The following TBPL1 variants were observed in gnomAD, a reference collection of about 807,000 sequenced individuals.
TBPL1 encodes the protein TATA-box binding protein like 1, also known as TATA box-binding protein-like 1.
TBPL1 carries 4 observed loss-of-function variants against 22.1 expected under a neutral mutation model. The observed-to-expected ratio is 0.18, with a 90% CI of 0.09 to 0.41. The LOEUF (loss-of-function observed/expected upper bound fraction) is 0.41, where lower values mean the gene tolerates loss of function less well. TBPL1 is among the 10% of genes least tolerant of loss of function. The pLI is 1.00. For synonymous variants in TBPL1, 64 were observed against 71.0 expected (o/e 0.90, Z 0.50); for missense variants, 115 against 222.3 (o/e 0.52, Z 3.07).
intron 2 of TBPL1, among the ~76,000 whole-genome samples, chr6:133,980,866 A>G (rs962283088): frequency 1.3e-5 from 2 of 151,874 alleles, no homozygotes; most frequent in African/African-American, 4.8e-5. Flanking sequence ...TGTATTTTAC[A>G]CATTTGTTAT....
In TBPL1 at chr6:133,986,934, C is replaced by T. The variant is rs1323833829; in HGVS notation, c.482-27C>T. Reference sequence around the variant, plus strand: ...GTGCTCCCTTTTCCAACTCTTCTCACTCCTTCCTCCATTGTGTTTATTACA... The same window carrying T: ...GTGCTCCCTTTTCCAACTCTTCTCATTCCTTCCTCCATTGTGTTTATTACA... On this transcript the variant is annotated intron_variant, in intron 6 of 6. Transcript: ENST00000237264. 4 of 1,537,796 alleles carry T rather than the reference C, an allele frequency of 2.6e-6. No individual in the cohort carries two copies. In the African/African-American group the frequency reaches 4.2e-5, roughly 16 times the overall value.
At chr6:133,952,288 GT>G (rs1775844935), upstream of TBPL1, 1 of 152,328 alleles carries the variant, frequency 6.6e-6, no homozygotes, top group Admixed American at 6.5e-5. The surrounding 1 kb of genome is among the most constrained non-coding windows in gnomAD (Gnocchi z 4.5). Flanking sequence ...CGCCCCCGGG[GT>G]CCCCCGGCCC....
chr6:133,980,938 A>G (rs1211411648), intron 2 of TBPL1, among the ~76,000 whole-genome samples: 1 of 147,370 alleles, frequency 6.8e-6, no homozygotes, highest in Non-Finnish European at 1.5e-5. Context: ...CAGGATACCT[A>G]TGTAAATTGC....
At chr6:133,964,963 A>G (rs1776093660) in intron 1 of TBPL1, among the ~76,000 whole-genome samples, 1 of 152,166 alleles carries the variant, frequency 6.6e-6, no homozygotes, top group Non-Finnish European at 1.5e-5. Flanking sequence ...TAAATTCTTG[A>G]TGAGTTATCA....
chr6:133,986,814 G>A, intron 6 of TBPL1, 147 bp from the exon 7 acceptor site: 2 of 524,166 alleles, frequency 3.8e-6, no homozygotes, highest in East Asian at 3.2e-5. Flanking sequence ...ATGGCTATGT[G>A]TATAATTATA....
rs145438139 is a variant in TBPL1, at chr6:133,973,735, G to C, written c.-44-6347G>C. Among the ~76,000 whole-genome samples, 8 of 152,238 alleles carry C rather than the reference G, an allele frequency of 5.3e-5. No homozygotes were observed. The East Asian group carries it at 1.5e-3, about 29-fold the overall frequency. On this transcript the variant is annotated intron_variant, in intron 1 of 6. Transcript: ENST00000237264. ...TTAACTTCTATGATGTATTTTAATAGAAAGCTAGAAATATGCCACTTCCTG... is the reference window on the plus strand; with the variant it reads ...TTAACTTCTATGATGTATTTTAATACAAAGCTAGAAATATGCCACTTCCTG...
intron 6 of TBPL1, chr6:133,985,975 A>C (rs1399193259): frequency 3.3e-5 from 5 of 152,226 alleles, no homozygotes; most frequent in African/African-American, 1.2e-4. Flanking sequence ...AACAATGCAT[A>C]TGTAAAACTC....
At chr6:133,976,635 T>G (rs932259058) in intron 1 of TBPL1, among the ~76,000 whole-genome samples, 2 of 152,188 alleles carry the variant, frequency 1.3e-5, no homozygotes, top group Non-Finnish European at 2.9e-5. Context: ...ATCGATAAAT[T>G]ATGTCACTAC....
intron 1 of TBPL1, among the ~76,000 whole-genome samples, chr6:133,954,176 A>G (rs1775887311): frequency 6.6e-6 from 1 of 152,204 alleles, no homozygotes; most frequent in Admixed American, 6.5e-5. Flanking sequence ...ATAAGACTCA[A>G]ACTGCAGTCA....
At chr6:133,961,238 T>C (rs1438209822) in intron 1 of TBPL1, among the ~76,000 whole-genome samples, 1 of 152,116 alleles carries the variant, frequency 6.6e-6, no homozygotes, top group Non-Finnish European at 1.5e-5. Context: ...CATCAACTTT[T>C]TATTGAGTTT....
intron 1 of TBPL1, among the ~76,000 whole-genome samples, chr6:133,957,114 T>C (rs966741694): frequency 1.3e-5 from 2 of 152,200 alleles, no homozygotes; most frequent in Non-Finnish European, 2.9e-5. Flanking sequence ...GAGAATTTGG[T>C]TTAAATGGCT....
chr6:133,976,386 T>C (rs1046608006), intron 1 of TBPL1, among the ~76,000 whole-genome samples: 6 of 152,234 alleles, frequency 3.9e-5, no homozygotes, highest in African/African-American at 1.2e-4. Flanking sequence ...AAAGAGTCTT[T>C]CACCTCAAGA....
chr6:133,966,172 T>A (rs1776115518), intron 1 of TBPL1, among the ~76,000 whole-genome samples: 1 of 152,112 alleles, frequency 6.6e-6, no homozygotes, highest in African/African-American at 2.4e-5. Flanking sequence ...AAGCTTACAG[T>A]TAAACTCTGC....
chr6:133,968,344 A>C (rs775313831), intron 1 of TBPL1, among the ~76,000 whole-genome samples: 58 of 152,320 alleles, frequency 3.8e-4, no homozygotes, highest in Non-Finnish European at 7.9e-4. Context: ...ATCTATCCAA[A>C]ATAAAACTTG....
intron 2 of TBPL1, 107 bp downstream of exon 2, chr6:133,980,367 T>C: frequency 1.6e-6 from 2 of 1,252,012 alleles, no homozygotes; most frequent in Non-Finnish European, 1.1e-6. Context: ...CACCTTACCA[T>C]GTGCTGGTTG....
At chr6:133,978,760 A>G (rs558410854) in intron 1 of TBPL1, among the ~76,000 whole-genome samples, 23 of 152,342 alleles carry the variant, frequency 1.5e-4, no homozygotes, top group African/African-American at 4.3e-4. Flanking sequence ...ACTGTGTTCT[A>G]TCAGAAACTT....
chr6:133,977,506 G>A (rs1407851709), intron 1 of TBPL1, among the ~76,000 whole-genome samples: 1 of 152,120 alleles, frequency 6.6e-6, no homozygotes, highest in African/African-American at 2.4e-5. Flanking sequence ...ATTCAGAGTA[G>A]AGTAGAACTC....
rs771918527 is a variant in TBPL1, at chr6:133,982,832, A to G, written c.234A>G (p.Lys78=). 2 of 1,611,598 alleles carry G rather than the reference A, an allele frequency of 1.2e-6. No homozygotes were observed. The highest frequency in any genetic ancestry group is 2.2e-5 in the East Asian group (1 of 44,828). ...CTGATSEEEA[K]FGARRLARSL... ...AAAACCGTAGTGAAGAAGAAGCTAAATTTGGTGCCAGACGCTTAGCCCGTA... is the reference window on the plus strand; with the variant it reads ...AAAACCGTAGTGAAGAAGAAGCTAAGTTTGGTGCCAGACGCTTAGCCCGTA... The change falls in exon 4 of 7, where the codon AAA becomes AAG. Residue 78 remains lysine, a synonymous_variant. Transcript: ENST00000237264.
In TBPL1 at chr6:133,984,595, T is replaced by C; in HGVS notation, c.405T>C (p.His135=). Residue 135 remains histidine, a synonymous_variant, in exon 6 of 7, where the codon CAT becomes CAC. Coordinates refer to ENST00000237264, the MANE Select transcript of TBPL1 (RefSeq NM_004865.4). ...TGTGTAGTTACGAACCTGAACTTCATCCTGCTGTGTGCTATCGGATAAAAT... is the reference window on the plus strand; with the variant it reads ...TGTGTAGTTACGAACCTGAACTTCACCCTGCTGTGTGCTATCGGATAAAAT... ...RPHASYEPEL[H]PAVCYRIKSL... is the part of the protein sequence containing the mutation. 6.2e-7 allele frequency: 1 copy of C among 1,613,496 alleles called. No homozygotes were observed. Among genetic ancestry groups the C allele is most frequent in the Non-Finnish European group, 8.5e-7 (1 of 1,179,824 alleles).
Sources: allele counts gnomAD v4.1 joint callset (sites outside exome capture counted in the v4.1 genomes callset), GRCh38; gene constraint gnomAD v4.1.1; non-coding constraint Gnocchi (gnomAD v3.1); transcripts MANE v1.5; gene names NCBI Gene and HGNC (gene_info 2026-07-23, HGNC 2026-07-21).